Variants in POP4 observed in about 807,000 individuals in gnomAD.
POP4 encodes the protein ribonuclease P protein subunit p29.
In POP4, 31 loss-of-function variants were observed where a neutral mutation model predicts 29.9. That is an observed-to-expected ratio of 1.04 (90% CI 0.78 to 1.40). The LOEUF (loss-of-function observed/expected upper bound fraction) is 1.40. Among genes scored for constraint, POP4 ranks in the 40% most tolerant of loss-of-function variants. The probability of loss-of-function intolerance (pLI) is 0.00; values close to 1 mark genes in which losing one functional copy is unlikely to be tolerated. For missense variants in POP4, 286 were observed against 282.7 expected (o/e 1.01, Z -0.08); for synonymous variants, 110 against 108.2 (o/e 1.02, Z -0.10).
chr19:29,608,932 C>T, intron 2 of POP4: 2 of 518,886 alleles, frequency 3.9e-6, no homozygotes, highest in Non-Finnish European at 6.9e-6. Context: ...TAAAATGAGG[C>T]TTTCCTTAAC....
At chr19:29,606,500 C>T (rs1970999403) in intron 1 of POP4, 175 bp downstream of exon 1, 1 of 684,504 alleles carries the variant, frequency 1.5e-6, no homozygotes, top group Non-Finnish European at 2.3e-6. Context: ...GTTAGCCTGG[C>T]TCGACCTCTG....
chr19:29,606,510 G>A, intron 1 of POP4, 185 bp downstream of exon 1: 1 of 599,682 alleles, frequency 1.7e-6, no homozygotes, highest in Non-Finnish European at 2.7e-6. Flanking sequence ...CTCGACCTCT[G>A]AGCTAGGGAG....
chr19:29,613,977 G>T lies in POP4; in HGVS notation c.526+5G>T. 1 of 1,609,792 alleles carries T rather than the reference G, an allele frequency of 6.2e-7. No individual in the cohort carries two copies. Among genetic ancestry groups the T allele is most frequent in the Non-Finnish European group, 8.5e-7 (1 of 1,178,620 alleles). ...CCAAAGAAGACCGCCTGAAAGGTAT[G>T]TAGGTGTTTCTGAGGGCATTGCTTG... is the stretch of plus-strand genomic sequence containing the variant. On this transcript the variant is annotated splice_donor_5th_base_variant and intron_variant, in intron 6 of 6. Transcript: ENST00000585603.
chr19:29,612,086 T>G (rs1488481397), intron 4 of POP4, 31 bp from the exon 5 acceptor site: 1 of 1,598,408 alleles, frequency 6.3e-7, no homozygotes, highest in Admixed American at 1.8e-5. Context: ...TTTATCATGA[T>G]GTAAACCAAG....
chr19:29,606,607 G>A (rs1040408705), intron 1 of POP4: 9 of 371,538 alleles, frequency 2.4e-5, no homozygotes, highest in African/African-American at 1.7e-4. Flanking sequence ...GGCTCAACTT[G>A]GCCACTATCT....
intron 3 of POP4, 54 bp from the exon 4 acceptor site, chr19:29,611,808 G>A: frequency 1.4e-6 from 2 of 1,465,000 alleles, no homozygotes; most frequent in Non-Finnish European, 1.9e-6. Context: ...TTTGGACATT[G>A]TCATCCCAAG....
chr19:29,608,579 T>C, intron 1 of POP4, 78 bp from the exon 2 acceptor site: 1 of 1,438,166 alleles, frequency 7.0e-7, no homozygotes, highest in Non-Finnish European at 9.8e-7. Flanking sequence ...GGCGTAGTTA[T>C]TTTCATAGTT....
chr19:29,606,479 C>A, intron 1 of POP4, 154 bp downstream of exon 1: 2 of 875,636 alleles, frequency 2.3e-6, no homozygotes, highest in Non-Finnish European at 3.3e-6. Context: ...AAACTGAGGG[C>A]TGGAGCACGG....
chr19:29,610,120 T>A (rs767147687), intron 2 of POP4: 20 of 432,714 alleles, frequency 4.6e-5, no homozygotes, highest in Non-Finnish European at 6.2e-5. Flanking sequence ...AGAAAGGTTT[T>A]GGTCCTTTCA....
intron 5 of POP4, 193 bp from the exon 6 acceptor site, chr19:29,613,678 C>A: frequency 1.2e-6 from 1 of 821,842 alleles, no homozygotes; most frequent in Non-Finnish European, 1.8e-6. Context: ...GGCTGCAAAG[C>A]CCCAGGGGAA....
At chr19:29,608,142 G>A (rs1407029308) in intron 1 of POP4, among the ~76,000 whole-genome samples, 3 of 151,992 alleles carry the variant, frequency 2.0e-5, no homozygotes, top group Admixed American at 2.0e-4. Context: ...CCAGAGGGTG[G>A]GATAAGAGGC....
At chr19:29,610,874 T>G (rs1599486311) in intron 3 of POP4, 2 of 529,860 alleles carry the variant, frequency 3.8e-6, no homozygotes, top group East Asian at 6.4e-5. Context: ...CAAGTACATC[T>G]GTTGCCCATG....
chr19:29,615,230 T>C lies in POP4; in HGVS notation c.527-14T>C. 1 of 1,510,554 alleles carries C rather than the reference T, an allele frequency of 6.6e-7. No individual in the cohort carries two copies. The highest frequency in any genetic ancestry group is 2.4e-5 in the Admixed American group (1 of 41,832). 93.6% of individuals were successfully genotyped at this position (1,510,554 alleles called of 1,614,324 possible). On this transcript the variant is annotated splice_polypyrimidine_tract_variant and intron_variant, in intron 6 of 6. Coordinates refer to ENST00000585603, the MANE Select transcript of POP4 (RefSeq NM_006627.3). ...CATCTTTTTTTCTCCTGCCTTTTTT[T>C]TTTTTTTTTTCAGTTATCCCCAAGC...
intron 1 of POP4, among the ~76,000 whole-genome samples, chr19:29,607,739 G>A (rs1971016859): frequency 6.6e-6 from 1 of 152,106 alleles, no homozygotes; most frequent in Non-Finnish European, 1.5e-5. Flanking sequence ...GAGTTTAAAG[G>A]AAAAACTTGT....
rs921739279 is a variant in POP4, at chr19:29,616,243, G to C, written c.*863G>C. The C allele has an allele frequency of 5.9e-5, 9 of 152,260 alleles. No homozygotes were observed. Among genetic ancestry groups the C allele is most frequent in the African/African-American group, 2.2e-4 (9 of 41,458 alleles). The allele number at this position is 152,260 out of a possible 1,614,324, so 9.4% of individuals were successfully genotyped here. ...GACTTGGCTTTTCAGTCTGACCCTGGCCCTCTGTGACCATGTGTCTGTAAA... is the reference window on the plus strand; with the variant it reads ...GACTTGGCTTTTCAGTCTGACCCTGCCCCTCTGTGACCATGTGTCTGTAAA... On this transcript the variant is annotated 3_prime_UTR_variant, in exon 7 of 7. Transcript: ENST00000585603.
Position 29,613,947 on chromosome 19 carries a change from T to C in POP4, c.501T>C (p.Ile167=). The change falls in exon 6 of 7, where the codon ATT becomes ATC. Residue 167 remains isoleucine, a synonymous_variant. Coordinates refer to ENST00000585603, the MANE Select transcript of POP4 (RefSeq NM_006627.3). ...LLQETKHIFK[I]ITKEDRLKVI... is the part of the protein sequence containing the mutation. The stretch of plus-strand genomic sequence containing the variant: ...AGGAAACAAAGCACATTTTCAAAAT[T>C]ATCACCAAAGAAGACCGCCTGAAAG... The C allele has an allele frequency of 6.2e-7, 1 of 1,613,818 alleles. No homozygotes were observed. The highest frequency in any genetic ancestry group is 8.5e-7 in the Non-Finnish European group (1 of 1,179,916).
At position 29,608,541 on chromosome 19, in the gene POP4, A is replaced by G. The variant is rs935790785; in HGVS notation, c.8-116A>G. 10 of 1,021,864 alleles carry G rather than the reference A, an allele frequency of 9.8e-6. No individual in the cohort carries two copies. The African/African-American group carries it at 1.1e-4, about 11-fold the overall frequency. The allele number at this position is 1,021,864 out of a possible 1,614,324, so 63.3% of individuals were successfully genotyped here. On this transcript the variant is annotated intron_variant, in intron 1 of 6. Transcript: ENST00000585603. ...CGCCTTGGCCTCCCAAAGTGCTAGG[A>G]CTACAGGTATGAGCCACTGCGCCTA... is the stretch of plus-strand genomic sequence containing the variant.
chr19:29,614,050 A>T, intron 6 of POP4, 78 bp downstream of exon 6: 1 of 1,537,380 alleles, frequency 6.5e-7, no homozygotes, highest in Non-Finnish European at 8.7e-7. Flanking sequence ...TCAAGGCTCC[A>T]AGAGTTTGAT....
Position 29,616,831 on chromosome 19 carries a change from C to G in POP4, c.*1451C>G, listed in dbSNP as rs1331531092. On this transcript the variant is annotated 3_prime_UTR_variant, in exon 7 of 7. Coordinates refer to ENST00000585603, the MANE Select transcript of POP4 (RefSeq NM_006627.3). ...CACATGGAGCCCAAGCACACTGCCA[C>G]CTCGGACACGGGCCCCGGCCCAGCG... is the stretch of plus-strand genomic sequence containing the variant. 2 of 152,336 alleles carry G rather than the reference C, an allele frequency of 1.3e-5. No individual in the cohort carries two copies. Among genetic ancestry groups the G allele is most frequent in the Non-Finnish European group, 2.9e-5 (2 of 68,138 alleles). 9.4% of individuals were successfully genotyped at this position (152,336 alleles called of 1,614,324 possible). A position where few individuals can be genotyped will look rare whatever the true frequency, so the allele number is the denominator to read the frequency against.
Sources: gnomAD v4.1 joint callset for allele counts (sites outside exome capture counted in the v4.1 genomes callset) on GRCh38, gnomAD v4.1.1 for gene constraint, MANE v1.5 for transcripts, NCBI Gene and HGNC (gene_info 2026-07-23, HGNC 2026-07-21) for gene names.